The following KCMF1 variants were observed in gnomAD, a reference collection of about 807,000 sequenced individuals.
KCMF1 encodes E3 ubiquitin-protein ligase KCMF1.
A neutral mutation model predicts 41.1 loss-of-function variants in KCMF1; 3 were observed. That is an observed-to-expected ratio of 0.07 (90% CI 0.03 to 0.19). The LOEUF is 0.19. Ranked by LOEUF, KCMF1 falls within the 10% of genes least tolerant of loss-of-function variation. The pLI is 1.00. For missense variants in KCMF1, 286 were observed against 488.9 expected, an observed-to-expected ratio of 0.58 and a Z score of 3.91; for synonymous variants, 142 against 164.5, an observed-to-expected ratio of 0.86 and a Z score of 1.04.
chr2:85,019,560 A>C (rs896073226), intron 1 of KCMF1, among the ~76,000 whole-genome samples: 6 of 152,186 alleles, frequency 3.9e-5, no homozygotes, highest in African/African-American at 1.4e-4. Context: ...ATATGGAAAA[A>C]CTGTATGTTA....
intron 1 of KCMF1, among the ~76,000 whole-genome samples, chr2:84,982,407 T>TTTTTTTTTTTTTTTTTG (rs1673786388): frequency 8.8e-6 from 1 of 113,870 alleles, no homozygotes; most frequent in Non-Finnish European, 1.9e-5. Flanking sequence ...TTTTTTTTTT[T>TTTTTTTTTTTTTTTTTG]TTTTTTTTTT....
rs535366182 is a variant in KCMF1, at chr2:85,007,602, G to A, written c.17-20287G>A. 5.9e-5 allele frequency among the ~76,000 whole-genome samples: 9 copies of A among 152,250 alleles called. 1 individual carries two copies. The South Asian group carries it at 1.9e-3, about 32-fold the overall frequency. ...TCAGCTGAACCTTTTTCCTTAAGGC[G>A]AGATCAGGAACTTCGACATCACTTG... On this transcript the variant is annotated intron_variant, in intron 1 of 6. Coordinates refer to ENST00000409785, the MANE Select transcript of KCMF1 (RefSeq NM_020122.5).
chr2:85,013,675 G>T (rs1436602232), intron 1 of KCMF1, among the ~76,000 whole-genome samples: 1 of 152,038 alleles, frequency 6.6e-6, no homozygotes, highest in Non-Finnish European at 1.5e-5. Flanking sequence ...GCACGCACTT[G>T]TAATCCCAGC....
intron 1 of KCMF1, among the ~76,000 whole-genome samples, chr2:84,977,511 C>T (rs1023278724): frequency 7.9e-5 from 12 of 152,112 alleles, no homozygotes; most frequent in Non-Finnish European, 1.0e-4. Flanking sequence ...GCATTGACCT[C>T]GCAGGCTCAA....
chr2:85,008,314 T>TATAATATATAATATATAATATG (rs1553379335), intron 1 of KCMF1, among the ~76,000 whole-genome samples: 50 of 101,006 alleles, frequency 5.0e-4, no homozygotes, highest in African/African-American at 1.2e-3. Flanking sequence ...TAATATGATA[T>TATAATATATAATATATAATATG]ATATATCATA....
intron 1 of KCMF1, among the ~76,000 whole-genome samples, chr2:85,013,721 G>A (rs920630348): frequency 1.3e-5 from 2 of 151,666 alleles, no homozygotes; most frequent in Non-Finnish European, 1.5e-5. Flanking sequence ...TCACTTGACC[G>A]CGGGAGGCAG....
At chr2:85,052,758 GTTTTTGTGTT>G (rs1239212807) in intron 6 of KCMF1, among the ~76,000 whole-genome samples, 1 of 152,128 alleles carries the variant, frequency 6.6e-6, no homozygotes, top group Non-Finnish European at 1.5e-5. Context: ...TGCAGATTTT[GTTTTTGTGTT>G]TTATTTTCCT....
chr2:85,030,697 G>A (rs1029180240), intron 2 of KCMF1, among the ~76,000 whole-genome samples: 11 of 151,992 alleles, frequency 7.2e-5, no homozygotes, highest in Non-Finnish European at 1.5e-4. Flanking sequence ...CTATATGCCT[G>A]GTGTTTTTGT....
In KCMF1 at chr2:85,054,990, C is replaced by T. The variant is rs1448856026; in HGVS notation, c.*1581C>T. The T allele has an allele frequency of 6.6e-6, 1 of 152,204 alleles. No homozygotes were observed. Among genetic ancestry groups the T allele is most frequent in the Non-Finnish European group, 1.5e-5 (1 of 68,042 alleles). 9.4% of individuals were successfully genotyped at this position (152,204 alleles called of 1,614,324 possible). A position where few individuals can be genotyped will look rare whatever the true frequency, so the allele number is the denominator to read the frequency against. ...ACCCTACATGTCTGAAAAACTGTTGCTTCTCCTCTGAAACTTCAAACTCCA... is the reference window on the plus strand; with the variant it reads ...ACCCTACATGTCTGAAAAACTGTTGTTTCTCCTCTGAAACTTCAAACTCCA... On this transcript the variant is annotated 3_prime_UTR_variant, in exon 7 of 7. Transcript: ENST00000409785.
At chr2:85,029,351 G>A (rs1347023431) in intron 2 of KCMF1, among the ~76,000 whole-genome samples, 4 of 152,248 alleles carry the variant, frequency 2.6e-5, no homozygotes, top group Admixed American at 2.6e-4. Flanking sequence ...GGAGGCTTAA[G>A]ATGGTCAGAT....
At chr2:85,018,254 A>G (rs1410865033) in intron 1 of KCMF1, among the ~76,000 whole-genome samples, 2 of 150,170 alleles carry the variant, frequency 1.3e-5, no homozygotes, top group Non-Finnish European at 3.0e-5. Context: ...ATGACACAGT[A>G]TGACTAAGCT....
intron 1 of KCMF1, among the ~76,000 whole-genome samples, chr2:85,024,581 AGAGTGT>A (rs755164309): frequency 4.9e-4 from 67 of 137,602 alleles, no homozygotes; most frequent in South Asian, 1.7e-3. Context: ...AGAGAGAGAG[AGAGTGT>A]GTGTGTGTGT....
chr2:84,999,717 G>A (rs904422634), intron 1 of KCMF1, among the ~76,000 whole-genome samples: 2 of 152,072 alleles, frequency 1.3e-5, no homozygotes, highest in African/African-American at 4.8e-5. Context: ...AGAGAAAGGG[G>A]GAAATAATTT....
In KCMF1 at chr2:85,059,345, A is replaced by C. The variant is rs1676010581; in HGVS notation, c.*5936A>C. The stretch of plus-strand genomic sequence containing the variant: ...ACTGACGATACAGTACTTTAGAATA[A>C]ATTGCATATTGTATCAGGCTCCGAG... On this transcript the variant is annotated 3_prime_UTR_variant, in exon 7 of 7. Transcript: ENST00000409785. 6.6e-6 allele frequency: 1 copy of C among 152,166 alleles called. No homozygotes were observed. Among genetic ancestry groups the C allele is most frequent in the Non-Finnish European group, 1.5e-5 (1 of 68,030 alleles). The allele number at this position is 152,166 out of a possible 1,614,324, so 9.4% of individuals were successfully genotyped here. A position where few individuals can be genotyped will look rare whatever the true frequency, so the allele number is the denominator to read the frequency against.
intron 1 of KCMF1, among the ~76,000 whole-genome samples, chr2:84,991,099 A>G (rs2103977012): frequency 6.6e-6 from 1 of 152,312 alleles, no homozygotes; most frequent in Non-Finnish European, 1.5e-5. Context: ...CATGACAGTG[A>G]TGAGTAGTGG....
At chr2:84,987,309 T>C (rs868550369) in intron 1 of KCMF1, among the ~76,000 whole-genome samples, 19 of 152,328 alleles carry the variant, frequency 1.2e-4, no homozygotes, top group Middle Eastern at 3.4e-3. Flanking sequence ...CAGATTGTTA[T>C]GGTAGTATGT....
chr2:84,991,596 C>T (rs910533827), intron 1 of KCMF1, among the ~76,000 whole-genome samples: 1 of 152,146 alleles, frequency 6.6e-6, no homozygotes, highest in African/African-American at 2.4e-5. Context: ...GCCAGTGCTA[C>T]AGTGAGACAG....
chr2:85,024,690 A>T (rs546352186), intron 1 of KCMF1, among the ~76,000 whole-genome samples: 72 of 152,120 alleles, frequency 4.7e-4, no homozygotes, highest in Non-Finnish European at 9.3e-4. Context: ...TGTCTTCTAG[A>T]GATATTTTTC....
At chr2:85,009,045 G>A (rs187599859) in intron 1 of KCMF1, among the ~76,000 whole-genome samples, 2 of 152,108 alleles carry the variant, frequency 1.3e-5, no homozygotes, top group Non-Finnish European at 2.9e-5. Flanking sequence ...GCGTACTTTT[G>A]TATGTATATG....
Sources: allele counts gnomAD v4.1 joint callset (sites outside exome capture counted in the v4.1 genomes callset), GRCh38; gene constraint gnomAD v4.1.1; transcripts MANE v1.5; gene names NCBI Gene and HGNC (gene_info 2026-07-23, HGNC 2026-07-21).